The following MTARC2 variants were observed in gnomAD, a reference collection of about 807,000 sequenced individuals.
The protein encoded by MTARC2 is MOCO sulphurase C-terminal domain containing 2.
A neutral mutation model predicts 35.6 loss-of-function variants in MTARC2; 27 were observed. That is an observed-to-expected ratio of 0.76 (90% confidence interval 0.56 to 1.04). MTARC2 has a LOEUF of 1.04. Among genes scored for constraint, MTARC2 ranks in the 50% least tolerant of loss-of-function variants. MTARC2 has a pLI of 0.00. For synonymous variants in MTARC2, 158 were observed against 167.1 expected (o/e 0.95, Z 0.42); for missense variants, 412 against 432.5 (o/e 0.95, Z 0.42).
intron 4 of MTARC2, among the ~76,000 whole-genome samples, chr1:220,769,214 G>A (rs1489515613): frequency 6.6e-6 from 1 of 152,226 alleles, no homozygotes; most frequent in Non-Finnish European, 1.5e-5. Context: ...CAGGACTTTC[G>A]CCTCTTTCTC....
chr1:220,778,686 C>T (rs931331477), intron 4 of MTARC2, among the ~76,000 whole-genome samples: 1 of 152,128 alleles, frequency 6.6e-6, no homozygotes, highest in Non-Finnish European at 1.5e-5. Flanking sequence ...CAAAATATGC[C>T]GCTCCAGCAT....
intron 4 of MTARC2, chr1:220,770,335 T>C (rs1231462612): frequency 1.0e-6 from 1 of 959,966 alleles, no homozygotes; most frequent in Non-Finnish European, 1.2e-6. Context: ...GGCCATTGAG[T>C]TGTGTTTATC....
intron 7 of MTARC2, 93 bp downstream of exon 7, chr1:220,782,025 C>A: frequency 3.6e-6 from 4 of 1,098,136 alleles, no homozygotes; most frequent in South Asian, 1.9e-5. Context: ...TGCTTTAATT[C>A]TTGAGAGAAT....
Position 220,748,747 on chromosome 1 carries a change from G to T in MTARC2, c.216G>T (p.Pro72=), listed in dbSNP as rs369099325. 2 of 1,600,152 alleles carry T rather than the reference G, an allele frequency of 1.2e-6. No individual in the cohort carries two copies. The highest frequency in any genetic ancestry group is 1.1e-5 in the South Asian group (1 of 88,878). The part of the protein sequence containing the change: ...IYPVKSCKGV[P]VSEAECTAMG... ...CGGTGAAATCCTGCAAAGGGGTGCC[G>T]GTGAGCGAGGCTGAGTGCACGGCCA... Residue 72 remains proline, a synonymous_variant, in exon 1 of 8, where the codon CCG becomes CCT. Transcript: ENST00000366913.
chr1:220,769,093 TCTC>T (rs1217935940), intron 4 of MTARC2, among the ~76,000 whole-genome samples: 1 of 152,210 alleles, frequency 6.6e-6, no homozygotes, highest in East Asian at 1.9e-4. Context: ...CTTAAGGAGA[TCTC>T]CTTCTACATT....
intron 4 of MTARC2, among the ~76,000 whole-genome samples, chr1:220,771,718 C>T (rs1256616170): frequency 6.6e-6 from 1 of 151,710 alleles, no homozygotes; most frequent in Admixed American, 6.6e-5. Flanking sequence ...CATAAAAATT[C>T]CTCATTGGGT....
intron 2 of MTARC2, 74 bp downstream of exon 2, chr1:220,755,194 T>A: frequency 6.9e-7 from 1 of 1,444,114 alleles, no homozygotes; most frequent in Non-Finnish European, 9.3e-7. Context: ...GCATTCTGTC[T>A]TGCTATAGTT....
intron 3 of MTARC2, 128 bp from the exon 4 acceptor site, chr1:220,762,782 T>C: frequency 1.0e-6 from 1 of 992,378 alleles, no homozygotes; most frequent in South Asian, 1.6e-5. Context: ...CACATCTCTC[T>C]CCTTCCTGAA....
chr1:220,780,082 A>G lies in MTARC2; in HGVS notation c.812+3A>G, dbSNP rs745729971. On this transcript the variant is annotated splice_donor_region_variant and intron_variant, in intron 5 of 7. Transcript: ENST00000366913. ...AAAAAGGTAATGGCATGCCCCAGGT[A>G]AGGAGCCTAGCTAGACCCCAGGACT... is the stretch of plus-strand genomic sequence containing the variant. 6.4e-7 allele frequency: 1 copy of G among 1,558,542 alleles called. No individual in the cohort carries two copies. The highest frequency in any genetic ancestry group is 2.2e-5 in the Admixed American group (1 of 45,704).
intron 2 of MTARC2, among the ~76,000 whole-genome samples, chr1:220,760,503 T>C (rs1264648262): frequency 6.6e-6 from 1 of 152,252 alleles, no homozygotes; most frequent in Non-Finnish European, 1.5e-5. Flanking sequence ...AGAAAATTGA[T>C]ACTGAACCTT....
chr1:220,772,607 A>G (rs58022052), intron 4 of MTARC2, among the ~76,000 whole-genome samples: 3,045 of 152,194 alleles, frequency 0.02, 120 homozygotes, highest in African/African-American at 0.069. Flanking sequence ...TCAAGGCTAC[A>G]GTAGGTAGAG....
chr1:220,763,157 T>C, intron 4 of MTARC2, 107 bp downstream of exon 4: 1 of 1,462,538 alleles, frequency 6.8e-7, no homozygotes, highest in South Asian at 1.2e-5. Context: ...GGTCCAGTCA[T>C]TCACTCATTG....
chr1:220,755,642 C>A (rs750134527), intron 2 of MTARC2, among the ~76,000 whole-genome samples: 2 of 152,002 alleles, frequency 1.3e-5, no homozygotes, highest in African/African-American at 2.4e-5. Flanking sequence ...ACTAGTGGCC[C>A]GGCATGTAAG....
At position 220,748,476 on chromosome 1, in the gene MTARC2, CG is replaced by C; in HGVS notation, c.-54del. 1 of 1,346,810 alleles carries C rather than the reference CG, an allele frequency of 7.4e-7. No individual in the cohort carries two copies. The highest frequency in any genetic ancestry group is 9.5e-7 in the Non-Finnish European group (1 of 1,057,478). The allele number at this position is 1,346,810 out of a possible 1,614,324, so 83.4% of individuals were successfully genotyped here. A position where few individuals can be genotyped will look rare whatever the true frequency, so the allele number is the denominator to read the frequency against. On this transcript the variant is annotated 5_prime_UTR_variant, in exon 1 of 8. Transcript: ENST00000366913. ...ATCCTTAAGGGCCTCCTCGTCCTCC[CG>C]GTCTCCGGTCGCTGCCGGGTCTGTG...
intron 3 of MTARC2, among the ~76,000 whole-genome samples, chr1:220,762,202 G>T (rs765295710): frequency 6.6e-6 from 1 of 152,126 alleles, no homozygotes; most frequent in Non-Finnish European, 1.5e-5. Context: ...GTTCTGACCC[G>T]CCCCTCACAA....
intron 4 of MTARC2, chr1:220,770,431 G>C (rs555805790): frequency 2.0e-6 from 2 of 985,236 alleles, no homozygotes; most frequent in African/African-American, 3.5e-5. Context: ...TATTCCCCTC[G>C]AGTGAGTGTG....
intron 4 of MTARC2, among the ~76,000 whole-genome samples, chr1:220,776,937 GT>G (rs1458309840): frequency 1.3e-5 from 2 of 152,182 alleles, no homozygotes; most frequent in Non-Finnish European, 2.9e-5. Flanking sequence ...TCAGGCCAGG[GT>G]ACCCATTGAT....
At chr1:220,776,114 T>A (rs1319380637) in intron 4 of MTARC2, among the ~76,000 whole-genome samples, 1 of 152,236 alleles carries the variant, frequency 6.6e-6, no homozygotes, top group Non-Finnish European at 1.5e-5. Context: ...TCGCTTTCCA[T>A]GGTGGTTGAA....
chr1:220,777,318 T>C (rs930546336), intron 4 of MTARC2, among the ~76,000 whole-genome samples: 2 of 152,178 alleles, frequency 1.3e-5, no homozygotes, highest in African/African-American at 4.8e-5. Context: ...GAGAATCATT[T>C]GCATTTGCTG....
Sources: allele counts gnomAD v4.1 joint callset (sites outside exome capture counted in the v4.1 genomes callset), GRCh38; gene constraint gnomAD v4.1.1; transcripts MANE v1.5; gene names NCBI Gene and HGNC (gene_info 2026-07-23, HGNC 2026-07-21).